The following HS3ST4 variants were observed in gnomAD, a reference collection of about 807,000 sequenced individuals.
HS3ST4 encodes heparan sulfate-glucosamine 3-sulfotransferase 4.
A neutral mutation model predicts 29.2 loss-of-function variants in HS3ST4; 17 were observed. The observed-to-expected ratio is 0.58, with a 90% CI of 0.40 to 0.87. HS3ST4 has a LOEUF of 0.87. Among genes scored for constraint, HS3ST4 ranks in the 40% least tolerant of loss-of-function variants. The pLI, the probability that HS3ST4 is intolerant of heterozygous loss-of-function variation, is 0.00. For synonymous variants in HS3ST4, 314 were observed against 285.7 expected, an observed-to-expected ratio of 1.10 and a Z score of -1.00; for missense variants, 627 against 634.5, an observed-to-expected ratio of 0.99 and a Z score of 0.13.
At chr16:25,801,947 G>A (rs376089492) in intron 1 of HS3ST4, among the ~76,000 whole-genome samples, 1 of 147,912 alleles carries the variant, frequency 6.8e-6, no homozygotes, top group South Asian at 2.1e-4. Context: ...CAATCTGATC[G>A]TGTTCATTTA....
intron 1 of HS3ST4, among the ~76,000 whole-genome samples, chr16:25,850,320 A>C (rs972128019): frequency 5.3e-5 from 8 of 152,112 alleles, no homozygotes; most frequent in Non-Finnish European, 7.4e-5. Flanking sequence ...TGTAGCATCA[A>C]ATGTTTGAAA....
At chr16:26,088,334 G>A (rs1220416837) in intron 1 of HS3ST4, among the ~76,000 whole-genome samples, 1 of 152,194 alleles carries the variant, frequency 6.6e-6, no homozygotes, top group East Asian at 1.9e-4. Flanking sequence ...GTTGGTTGTT[G>A]CTGTTGATGA....
At chr16:25,876,462 CTTA>C (rs1357089542) in intron 1 of HS3ST4, among the ~76,000 whole-genome samples, 1 of 152,050 alleles carries the variant, frequency 6.6e-6, no homozygotes, top group Non-Finnish European at 1.5e-5. Flanking sequence ...TCAAGTTTCT[CTTA>C]TTAGGATTGC....
chr16:25,964,427 C>A (rs1452097137), intron 1 of HS3ST4, among the ~76,000 whole-genome samples: 1 of 152,180 alleles, frequency 6.6e-6, no homozygotes. Flanking sequence ...CCCAAACCCT[C>A]TCATCATGAA....
chr16:26,107,374 G>GCA lies in HS3ST4; in HGVS notation c.735-28227_735-28226dup, dbSNP rs370310142. Among the ~76,000 whole-genome samples, 225 of 144,614 alleles carry GCA rather than the reference G, an allele frequency of 1.6e-3. 1 individual carries two copies. Among genetic ancestry groups the GCA allele is most frequent in the South Asian group, 2.9e-3 (13 of 4,522 alleles). The allele number at this position is 144,614 out of a possible 152,430, so 94.9% of individuals were successfully genotyped here. ...CAAACACACACACACACACACATAT[G>GCA]CACACACACACATACATGCACATAT... is the stretch of plus-strand genomic sequence containing the variant. On this transcript the variant is annotated intron_variant, in intron 1 of 1. Coordinates refer to ENST00000331351, the MANE Select transcript of HS3ST4 (RefSeq NM_006040.3).
At chr16:25,805,714 A>G (rs531850748) in intron 1 of HS3ST4, among the ~76,000 whole-genome samples, 2 of 152,258 alleles carry the variant, frequency 1.3e-5, no homozygotes, top group South Asian at 4.1e-4. Context: ...TTTTATTTTA[A>G]TTTTAAGTTC....
chr16:26,002,223 A>G (rs1257788071), intron 1 of HS3ST4, among the ~76,000 whole-genome samples: 4 of 152,266 alleles, frequency 2.6e-5, no homozygotes, highest in Middle Eastern at 3.4e-3. Flanking sequence ...TCCCTATGAA[A>G]TCTGAGGATC....
At chr16:26,033,065 A>C (rs1354184463) in intron 1 of HS3ST4, among the ~76,000 whole-genome samples, 1 of 152,150 alleles carries the variant, frequency 6.6e-6, no homozygotes, top group African/African-American at 2.4e-5. Context: ...CCTGAACGAC[A>C]GACTGCGAAA....
At chr16:25,703,954 A>G (rs1178597600) in intron 1 of HS3ST4, among the ~76,000 whole-genome samples, 1 of 152,132 alleles carries the variant, frequency 6.6e-6, no homozygotes, top group Non-Finnish European at 1.5e-5. Flanking sequence ...TTGCTCTCCA[A>G]AGTTATCCTC....
chr16:26,030,189 A>T (rs962023990), intron 1 of HS3ST4, among the ~76,000 whole-genome samples: 1 of 152,228 alleles, frequency 6.6e-6, no homozygotes, highest in Non-Finnish European at 1.5e-5. Context: ...AGCTCTGCTC[A>T]TCTCTAGCTC....
intron 1 of HS3ST4, among the ~76,000 whole-genome samples, chr16:25,878,375 C>T (rs550598102): frequency 6.6e-6 from 1 of 152,216 alleles, no homozygotes; most frequent in Non-Finnish European, 1.5e-5. Flanking sequence ...ATTCTAAATT[C>T]CCATCACTTC....
At chr16:25,771,433 A>G (rs1469984210) in intron 1 of HS3ST4, among the ~76,000 whole-genome samples, 1 of 151,930 alleles carries the variant, frequency 6.6e-6, no homozygotes, top group Non-Finnish European at 1.5e-5. Flanking sequence ...TGTGGGTTTC[A>G]CATGCTAAGT....
chr16:26,112,856 G>A (rs1224647302), intron 1 of HS3ST4, among the ~76,000 whole-genome samples: 1 of 152,152 alleles, frequency 6.6e-6, no homozygotes, highest in African/African-American at 2.4e-5. Flanking sequence ...TGAACTCATA[G>A]GCACAGGTGG....
intron 1 of HS3ST4, among the ~76,000 whole-genome samples, chr16:26,107,534 C>T (rs567551824): frequency 6.6e-6 from 1 of 152,178 alleles, no homozygotes; most frequent in Non-Finnish European, 1.5e-5. Context: ...TTTTATCCCT[C>T]ACTGCCACTC....
chr16:25,967,151 T>G (rs1968850209), intron 1 of HS3ST4, among the ~76,000 whole-genome samples: 1 of 152,184 alleles, frequency 6.6e-6, no homozygotes, highest in Non-Finnish European at 1.5e-5. Context: ...TCTATAATTC[T>G]TTGTTTTTTG....
intron 1 of HS3ST4, among the ~76,000 whole-genome samples, chr16:25,748,671 C>G (rs181876404): frequency 1.3e-5 from 2 of 152,110 alleles, no homozygotes; most frequent in Non-Finnish European, 2.9e-5. Context: ...AATATTATTC[C>G]ATGTCATTAT....
At chr16:26,133,033 T>G (rs1438184932) in intron 1 of HS3ST4, among the ~76,000 whole-genome samples, 2 of 152,218 alleles carry the variant, frequency 1.3e-5, no homozygotes, top group African/African-American at 4.8e-5. Context: ...GATCCGGAAG[T>G]GCAATTGATG....
intron 1 of HS3ST4, among the ~76,000 whole-genome samples, chr16:25,795,342 A>G (rs1197805649): frequency 2.0e-5 from 3 of 151,562 alleles, no homozygotes; most frequent in African/African-American, 7.3e-5. Context: ...CTTTCTACCC[A>G]TGCATCTTCC....
rs956978321 is a variant in HS3ST4 at position 25,756,100 on chromosome 16, G to C, written c.734+62949G>C. 2.7e-5 allele frequency among the ~76,000 whole-genome samples: 4 copies of C among 150,402 alleles called. No homozygotes were observed. The East Asian group carries it at 7.8e-4, about 29-fold the overall frequency. On this transcript the variant is annotated intron_variant, in intron 1 of 1. Transcript: ENST00000331351. The stretch of plus-strand genomic sequence containing the variant: ...TTGTGGGAAGGATACAACTCTAGGT[G>C]GTGTTATAGAAACACACACACACAC...
Sources: gnomAD v4.1 joint callset for allele counts (sites outside exome capture counted in the v4.1 genomes callset) on GRCh38, gnomAD v4.1.1 for gene constraint, MANE v1.5 for transcripts, NCBI Gene and HGNC (gene_info 2026-07-23, HGNC 2026-07-21) for gene names.